Variants in SLC5A5 observed in about 807,000 individuals in gnomAD.
The protein encoded by SLC5A5 is solute carrier family 5 member 5, also known as sodium/iodide cotransporter.
SLC5A5 carries 56 observed loss-of-function variants against 68.6 expected under a neutral mutation model. The observed-to-expected ratio is 0.82, with a 90% CI of 0.66 to 1.02. The LOEUF (loss-of-function observed/expected upper bound fraction) is 1.02, where lower values mean the gene tolerates loss of function less well. SLC5A5 is among the 50% of genes least tolerant of loss of function. The probability of loss-of-function intolerance (pLI) is 0.00; values close to 1 mark genes in which losing one functional copy is unlikely to be tolerated. For missense variants in SLC5A5, 807 were observed against 859.8 expected, an observed-to-expected ratio of 0.94 and a Z score of 0.77; for synonymous variants, 398 against 373.0, an observed-to-expected ratio of 1.07 and a Z score of -0.77.
chr19:17,883,905 G>C lies in SLC5A5; in HGVS notation c.1385G>C (p.Gly462Ala). 1.3e-6 allele frequency: 2 copies of C among 1,568,784 alleles called. No individual in the cohort carries two copies. The highest frequency in any genetic ancestry group is 1.7e-6 in the Non-Finnish European group (2 of 1,158,504). The change falls in exon 12 of 15, where the codon GGC (glycine) becomes GCC (alanine). Residue 462 changes from glycine to alanine, a missense_variant. Physicochemically the swap from Gly to Ala is moderately conservative, Grantham distance 60 (BLOSUM62 0). Coordinates refer to ENST00000222248, the MANE Select transcript of SLC5A5 (RefSeq NM_000453.3). Reference protein sequence around the residue: ...GLALSLWVALGATLYPPSEQT... With the variant: ...GLALSLWVALAATLYPPSEQT... ...GCGCTGTCGCTGTGGGTGGCCTTGG[G>C]CGCCACGCTGTACCCACCCAGCGAG... is the stretch of plus-strand genomic sequence containing the variant.
At chr19:17,874,768 C>T (rs367788045) in intron 4 of SLC5A5, 37 bp downstream of exon 4, 24 of 1,597,100 alleles carry the variant, frequency 1.5e-5, no homozygotes, top group Non-Finnish European at 2.1e-5. Flanking sequence ...TACGGGGGAT[C>T]GGGCCCACTG....
At chr19:17,885,327 G>GTTTATTTATTTA (rs538196595) in intron 12 of SLC5A5, among the ~76,000 whole-genome samples, 2,302 of 151,416 alleles carry the variant, frequency 0.015, 52 homozygotes, top group African/African-American at 0.052. Context: ...TTTCTGTTTT[G>GTTTATTTATTTA]TTTATTTATT....
In SLC5A5 at chr19:17,893,745, G is replaced by T. The variant is rs192922578; in HGVS notation, c.1800G>T (p.Lys600Asn). The T allele has an allele frequency of 3.7e-6, 6 of 1,613,976 alleles. No individual in the cohort carries two copies. The highest frequency in any genetic ancestry group is 4.2e-6 in the Non-Finnish European group (5 of 1,179,966). ...GPEELPTGNK[K>N]PPGFLPTNED... is the part of the protein sequence containing the mutation. ...AAGAACTCCCCACTGGAAACAAGAA[G>T]CCCCCTGGCTTCCTGCCCACCAATG... Residue 600 changes from lysine to asparagine, a missense_variant, in exon 15 of 15, where the codon AAG (lysine) becomes AAT (asparagine). Coordinates refer to ENST00000222248, the MANE Select transcript of SLC5A5 (RefSeq NM_000453.3).
At position 17,872,243 on chromosome 19, in the gene SLC5A5, T is replaced by A; in HGVS notation, c.-77T>A. The A allele has an allele frequency of 7.2e-5, 29 of 402,608 alleles. No homozygotes were observed. Among genetic ancestry groups the A allele is most frequent in the East Asian group, 8.5e-5 (1 of 11,752 alleles). The allele number at this position is 402,608 out of a possible 1,614,324, so 24.9% of individuals were successfully genotyped here. On this transcript the variant is annotated 5_prime_UTR_variant, in exon 1 of 15. Transcript: ENST00000222248. Reference sequence around the variant, plus strand: ...TCCCACCCGCCCTCCCCGTCCTGCCTCCTCGGCCCCTGCCAGCTTCCCCCG... The same window carrying A: ...TCCCACCCGCCCTCCCCGTCCTGCCACCTCGGCCCCTGCCAGCTTCCCCCG...
rs567027212 is a variant in SLC5A5 at position 17,874,072 on chromosome 19, A to G, written c.358-66A>G. 304 of 1,143,950 alleles carry G rather than the reference A, an allele frequency of 2.7e-4. 1 individual carries two copies. Among genetic ancestry groups the G allele is most frequent in the Non-Finnish European group, 3.6e-4 (272 of 754,540 alleles). 70.9% of individuals were successfully genotyped at this position (1,143,950 alleles called of 1,614,324 possible). A position where few individuals can be genotyped will look rare whatever the true frequency, so the allele number is the denominator to read the frequency against. On this transcript the variant is annotated intron_variant, in intron 1 of 14. Coordinates refer to ENST00000222248, the MANE Select transcript of SLC5A5 (RefSeq NM_000453.3). ...GAGGGGCCCACCTAGAGAGCAGACC[A>G]GGGACCCGAGAGGCCTCGGCTCCTG...
intron 12 of SLC5A5, among the ~76,000 whole-genome samples, chr19:17,886,804 C>T (rs1296261318): frequency 1.3e-5 from 2 of 152,154 alleles, no homozygotes; most frequent in African/African-American, 2.4e-5. Context: ...TGATGTTGAG[C>T]ATCTTTCTTT....
In SLC5A5 at chr19:17,888,617, TATCATC is replaced by T. The variant is rs59801766; in HGVS notation, c.1651+186_1651+191del. Among the ~76,000 whole-genome samples, 75 of 131,492 alleles carry T rather than the reference TATCATC, an allele frequency of 5.7e-4. 1 individual carries two copies. Among genetic ancestry groups the T allele is most frequent in the African/African-American group, 1.8e-3 (54 of 30,192 alleles). The allele number at this position is 131,492 out of a possible 152,430, so 86.3% of individuals were successfully genotyped here. On this transcript the variant is annotated intron_variant, in intron 13 of 14. Transcript: ENST00000222248. ...TTATTATTATTATTATTATTATTAT[TATCATC>T]ATCATCATCATCATCATCATCATTT...
In SLC5A5 at chr19:17,888,880, C is replaced by A. The variant is rs1373815517; in HGVS notation, c.1651+425C>A. On this transcript the variant is annotated intron_variant, in intron 13 of 14. Transcript: ENST00000222248. Reference sequence around the variant, plus strand: ...AAGTGATCCGCCCACCTCGGCCTCGCAAAGTTCTGGGATTATAGGTGTGAG... The same window carrying A: ...AAGTGATCCGCCCACCTCGGCCTCGAAAAGTTCTGGGATTATAGGTGTGAG... 4.0e-5 allele frequency among the ~76,000 whole-genome samples: 6 copies of A among 150,724 alleles called. No individual in the cohort carries two copies. In the East Asian group the frequency reaches 7.8e-4, roughly 20 times the overall value.
Position 17,890,965 on chromosome 19 carries a change from G to A in SLC5A5, c.1731G>A (p.Lys577=), listed in dbSNP as rs760244527. The stretch of plus-strand genomic sequence containing the variant: ...GGCAGACAGCATCAGTGGCCCCCAA[G>A]GAAGAAGTGGCCATCCTGGATGACA... The part of the protein sequence containing the change: ...LARQTASVAP[K]EEVAILDDNL... Residue 577 remains lysine, a synonymous_variant, in exon 14 of 15, where the codon AAG becomes AAA. Transcript: ENST00000222248. The A allele has an allele frequency of 1.9e-6, 3 of 1,613,750 alleles. No individual in the cohort carries two copies. The Admixed American group carries it at 5.0e-5, about 27-fold the overall frequency.
chr19:17,894,141 CTCTTTTTTTTTT>C lies in SLC5A5; in HGVS notation c.*266_*277del. Reference sequence around the variant, plus strand: ...CAAATAAGGCTGGGTTTTTCTCTCTCTCTTTTTTTTTTTTTTTTTTTTTTGAGACAGGGTCAT... The same window carrying C: ...CAAATAAGGCTGGGTTTTTCTCTCTCTTTTTTTTTTTTGAGACAGGGTCAT... On this transcript the variant is annotated 3_prime_UTR_variant, in exon 15 of 15. Transcript: ENST00000222248. 2.6e-6 allele frequency: 1 copy of C among 381,576 alleles called. No homozygotes were observed. Among genetic ancestry groups the C allele is most frequent in the Non-Finnish European group, 4.7e-6 (1 of 211,340 alleles). 23.6% of individuals were successfully genotyped at this position (381,576 alleles called of 1,614,324 possible).
intron 4 of SLC5A5, 44 bp from the exon 5 acceptor site, chr19:17,875,908 C>G (rs1258616569): frequency 8.1e-6 from 13 of 1,611,280 alleles, no homozygotes; most frequent in Non-Finnish European, 9.3e-6. Context: ...AGGCCAGGTC[C>G]CCCATCTAAC....
chr19:17,883,939 G>T lies in SLC5A5; in HGVS notation c.1419G>T (p.Met473Ile). 6.4e-7 allele frequency: 1 copy of T among 1,563,844 alleles called. No individual in the cohort carries two copies. The highest frequency in any genetic ancestry group is 8.7e-7 in the Non-Finnish European group (1 of 1,155,586). ...TGTACCCACCCAGCGAGCAGACCAT[G>T]AGGGTCCTGCCATCGTCGGCTGCCC... ...ATLYPPSEQTMRVLPSSAARC... is the reference protein window; with the variant it reads ...ATLYPPSEQTIRVLPSSAARC... The change falls in exon 12 of 15, where the codon ATG becomes ATT. Residue 473 changes from methionine to isoleucine, a missense_variant. Transcript: ENST00000222248.
chr19:17,880,590 G>A (rs920735526), intron 7 of SLC5A5, among the ~76,000 whole-genome samples: 7 of 152,168 alleles, frequency 4.6e-5, no homozygotes, highest in Admixed American at 3.3e-4. Context: ...TCAGCTACTG[G>A]GGGACTGAAG....
At position 17,880,961 on chromosome 19, in the gene SLC5A5, C is replaced by T. The variant is rs189249326; in HGVS notation, c.1058+8C>T. The T allele has an allele frequency of 8.5e-3, 13,602 of 1,606,004 alleles. 86 individuals are homozygous for T. The highest frequency in any genetic ancestry group is 0.016 in the Middle Eastern group (99 of 6,032). ...TTACAGTGGCACCCTCAGGTGAGCA[C>T]CCCTGCTTGTTCATGGAGCATTATT... On this transcript the variant is annotated splice_region_variant and intron_variant, in intron 8 of 14. Transcript: ENST00000222248.
intron 14 of SLC5A5, among the ~76,000 whole-genome samples, chr19:17,891,714 AAC>A (rs1485301914): frequency 1.3e-5 from 2 of 152,236 alleles, no homozygotes; most frequent in Non-Finnish European, 2.9e-5. Context: ...TTACATAAGA[AAC>A]ACAACAGATG....
At chr19:17,874,228 C>T (rs373052427) in intron 2 of SLC5A5, 25 bp downstream of exon 2, 32 of 1,541,250 alleles carry the variant, frequency 2.1e-5, no homozygotes, top group African/African-American at 5.4e-5. Context: ...CCCCGCCCTC[C>T]GCTCAGGGCC....
Position 17,883,727 on chromosome 19 carries a change from C to A in SLC5A5, c.1289C>A (p.Ala430Asp). The A allele has an allele frequency of 6.2e-7, 1 of 1,613,422 alleles. No individual in the cohort carries two copies. Residue 430 changes from alanine (A) to aspartate (D), a missense_variant, in exon 11 of 15, where the codon GCC becomes GAC. Coordinates refer to ENST00000222248, the MANE Select transcript of SLC5A5 (RefSeq NM_000453.3). The part of the protein sequence containing the change: ...MGVISGPLLG[A>D]FILGMFLPAC... Reference sequence around the variant, plus strand: ...GTCATCAGCGGCCCCCTGCTGGGAGCCTTCATCTTGGGAATGTTCCTGCCG... The same window carrying A: ...GTCATCAGCGGCCCCCTGCTGGGAGACTTCATCTTGGGAATGTTCCTGCCG...
Position 17,890,798 on chromosome 19 carries a change from C to A in SLC5A5, c.1652-88C>A, listed in dbSNP as rs894509928. ...CTGTTAGACTTCATAGACCAGGGAT[C>A]TCCTTTCTCCTTCCCAGGACCTGGT... On this transcript the variant is annotated intron_variant, in intron 13 of 14. Transcript: ENST00000222248. The A allele has an allele frequency of 3.3e-6, 3 of 899,670 alleles. No homozygotes were observed. The African/African-American group carries it at 4.9e-5, about 15-fold the overall frequency. The allele number at this position is 899,670 out of a possible 1,614,324, so 55.7% of individuals were successfully genotyped here. A position where few individuals can be genotyped will look rare whatever the true frequency, so the allele number is the denominator to read the frequency against.
chr19:17,883,162 C>T (rs568584878), intron 10 of SLC5A5, among the ~76,000 whole-genome samples: 3 of 151,996 alleles, frequency 2.0e-5, no homozygotes, highest in African/African-American at 2.4e-5. Context: ...GGTCTCGCTT[C>T]GTGCCTAGGC....
Sources: allele counts gnomAD v4.1 joint callset (sites outside exome capture counted in the v4.1 genomes callset), GRCh38; gene constraint gnomAD v4.1.1; transcripts MANE v1.5; gene names NCBI Gene and HGNC (gene_info 2026-07-23, HGNC 2026-07-21).